The following CATSPERE variants were observed in gnomAD, a reference collection of about 807,000 sequenced individuals.
CATSPERE encodes the protein cation channel sperm-associated auxiliary subunit epsilon.
Under a neutral mutation model 114.1 loss-of-function variants are expected in CATSPERE, and 93 were observed. That is an observed-to-expected ratio of 0.81 (90% confidence interval 0.69 to 0.97). CATSPERE has a LOEUF of 0.97. CATSPERE is among the 50% of genes least tolerant of loss of function. The pLI is 0.00. For synonymous variants in CATSPERE, 341 were observed against 384.1 expected, an observed-to-expected ratio of 0.89 and a Z score of 1.31; for missense variants, 1,058 against 1,131.6, an observed-to-expected ratio of 0.93 and a Z score of 0.93.
chr1:244,526,925 T>C (rs1237996563), intron 8 of CATSPERE, among the ~76,000 whole-genome samples: 1 of 151,960 alleles, frequency 6.6e-6, no homozygotes, highest in African/African-American at 2.4e-5. Flanking sequence ...AACCAGCAGG[T>C]TTTTATTAGT....
intron 6 of CATSPERE, among the ~76,000 whole-genome samples, chr1:244,494,548 C>G (rs948327299): frequency 6.7e-6 from 1 of 150,224 alleles, no homozygotes; most frequent in African/African-American, 2.5e-5. Context: ...CACATGTATA[C>G]ATATGTAACA....
At chr1:244,506,612 A>G (rs1674857973) in intron 7 of CATSPERE, among the ~76,000 whole-genome samples, 1 of 152,048 alleles carries the variant, frequency 6.6e-6, no homozygotes, top group African/African-American at 2.4e-5. Context: ...GAGTAACAAG[A>G]TTTTTGATAA....
chr1:244,554,130 C>T (rs1661222105), intron 9 of CATSPERE, among the ~76,000 whole-genome samples: 1 of 152,140 alleles, frequency 6.6e-6, no homozygotes, highest in Non-Finnish European at 1.5e-5. Flanking sequence ...TTGCAATAAA[C>T]CTGCGAGTAC....
chr1:244,531,849 G>A (rs1679655365), intron 8 of CATSPERE, among the ~76,000 whole-genome samples: 1 of 152,164 alleles, frequency 6.6e-6, no homozygotes, highest in South Asian at 2.1e-4. Flanking sequence ...CTCATAGAAT[G>A]AGTTTCAAAG....
At chr1:244,565,732 ATAGATT>A (rs1367781868) in intron 10 of CATSPERE, among the ~76,000 whole-genome samples, 8 of 148,442 alleles carry the variant, frequency 5.4e-5, no homozygotes, top group African/African-American at 1.8e-4. Flanking sequence ...CATAGATTTC[ATAGATT>A]CATAGATTCA....
intron 17 of CATSPERE, chr1:244,598,627 C>T (rs538652007): frequency 2.0e-5 from 7 of 355,082 alleles, no homozygotes; most frequent in Non-Finnish European, 3.5e-5. Context: ...CCCTTTTCCA[C>T]GGTGTGGCAC....
intron 19 of CATSPERE, among the ~76,000 whole-genome samples, chr1:244,615,626 A>G (rs890535312): frequency 2.0e-5 from 3 of 152,022 alleles, no homozygotes; most frequent in African/African-American, 7.3e-5. Flanking sequence ...CTCCACTGTA[A>G]TCTTACGGGA....
Position 244,504,888 on chromosome 1 carries a change from C to T in CATSPERE, c.429+5809C>T, listed in dbSNP as rs919666177. On this transcript the variant is annotated intron_variant, in intron 7 of 21. Transcript: ENST00000366534. The surrounding 1 kb of genome is among the most constrained non-coding windows in gnomAD (Gnocchi z 4.1). The stretch of plus-strand genomic sequence containing the variant: ...TGTTGTTCGCCTTGGAAGTAAGTCA[C>T]TCAGTACAGTTATACTTTACCTTCT... Among the ~76,000 whole-genome samples, 1 of 152,204 alleles carries T rather than the reference C, an allele frequency of 6.6e-6. No individual in the cohort carries two copies. The highest frequency in any genetic ancestry group is 2.4e-5 in the African/African-American group (1 of 41,444).
intron 20 of CATSPERE, among the ~76,000 whole-genome samples, chr1:244,618,633 T>G (rs929613670): frequency 6.6e-6 from 1 of 151,914 alleles, no homozygotes; most frequent in Non-Finnish European, 1.5e-5. Flanking sequence ...CAAAATTAGC[T>G]GGGTGTGGTG....
intron 2 of CATSPERE, among the ~76,000 whole-genome samples, chr1:244,474,329 G>A (rs1473715446): frequency 2.0e-5 from 3 of 152,060 alleles, no homozygotes; most frequent in Non-Finnish European, 4.4e-5. Flanking sequence ...ACCGCACTCA[G>A]TTTACTGCTT....
intron 8 of CATSPERE, among the ~76,000 whole-genome samples, chr1:244,548,107 T>C (rs1019590864): frequency 1.3e-5 from 2 of 151,980 alleles, no homozygotes; most frequent in Non-Finnish European, 2.9e-5. Flanking sequence ...TGTGCAAAAA[T>C]TGTGAAGATA....
chr1:244,490,468 C>G lies in CATSPERE; in HGVS notation c.348C>G (p.Thr116=), dbSNP rs1411505222. 5 of 1,523,188 alleles carry G rather than the reference C, an allele frequency of 3.3e-6. No individual in the cohort carries two copies. In the South Asian group the frequency reaches 4.6e-5, roughly 14 times the overall value. The allele number at this position is 1,523,188 out of a possible 1,614,324, so 94.4% of individuals were successfully genotyped here. The change falls in exon 6 of 22, where the codon ACC becomes ACG. Residue 116 remains threonine, a synonymous_variant. Transcript: ENST00000366534. ...YRVRHFFNNF[T]QLITVWAYDP... ...GCAGACATTTCTTTAACAACTTTACCCAGGTAAAATATTTTTTAAATTTTG... is the reference window on the plus strand; with the variant it reads ...GCAGACATTTCTTTAACAACTTTACGCAGGTAAAATATTTTTTAAATTTTG...
chr1:244,589,095 T>C (rs1667398653), intron 14 of CATSPERE, among the ~76,000 whole-genome samples: 1 of 152,198 alleles, frequency 6.6e-6, no homozygotes, highest in African/African-American at 2.4e-5. Flanking sequence ...ACTCTGTGTC[T>C]TCCATTCACC....
At chr1:244,496,809 A>G (rs1463806562) in intron 6 of CATSPERE, among the ~76,000 whole-genome samples, 1 of 152,244 alleles carries the variant, frequency 6.6e-6, no homozygotes, top group Non-Finnish European at 1.5e-5. Context: ...GGTACTGGTC[A>G]TGGCAGGCAT....
chr1:244,606,907 CT>C (rs1670088957), intron 18 of CATSPERE, among the ~76,000 whole-genome samples: 1 of 151,966 alleles, frequency 6.6e-6, no homozygotes, highest in African/African-American at 2.4e-5. Flanking sequence ...TGGCAATTGT[CT>C]TTCAGTTATG....
In CATSPERE at chr1:244,461,493, A is replaced by C; in HGVS notation, c.64A>C (p.Arg22=). Residue 22 remains arginine, a splice_region_variant and synonymous_variant, in exon 1 of 22, where the codon AGG becomes CGG. Coordinates refer to ENST00000366534, the MANE Select transcript of CATSPERE (RefSeq NM_001130957.2). The part of the protein sequence containing the change: ...WLSCYGSALW[R]YSTNSPNYRI... ...GAGCTGCTATGGCTCCGCCCTTTGG[A>C]GGTAGAGAGACGCCAGTCGCAGGCG... The C allele has an allele frequency of 7.6e-7, 1 of 1,317,278 alleles. No individual in the cohort carries two copies. The highest frequency in any genetic ancestry group is 9.8e-7 in the Non-Finnish European group (1 of 1,024,656). The allele number at this position is 1,317,278 out of a possible 1,614,324, so 81.6% of individuals were successfully genotyped here.
intron 5 of CATSPERE, 111 bp downstream of exon 5, chr1:244,479,895 T>C: frequency 2.1e-6 from 1 of 487,222 alleles, no homozygotes; most frequent in South Asian, 5.6e-5. Context: ...ACAACTTTCA[T>C]TCACCAACCA....
intron 8 of CATSPERE, among the ~76,000 whole-genome samples, chr1:244,540,791 C>T (rs1447918778): frequency 4.4e-5 from 5 of 112,664 alleles, no homozygotes; most frequent in African/African-American, 1.2e-4. Context: ...CAGCATGGTA[C>T]AGCTACCAAA....
At chr1:244,584,777 A>T (rs1421932034) in intron 13 of CATSPERE, among the ~76,000 whole-genome samples, 1 of 152,150 alleles carries the variant, frequency 6.6e-6, no homozygotes. Flanking sequence ...CTACCAGGGC[A>T]AGGTTCCATA....
Sources: allele counts gnomAD v4.1 joint callset (sites outside exome capture counted in the v4.1 genomes callset), GRCh38; gene constraint gnomAD v4.1.1; non-coding constraint Gnocchi (gnomAD v3.1); transcripts MANE v1.5; gene names NCBI Gene and HGNC (gene_info 2026-07-23, HGNC 2026-07-21).